The following DGKB variants were observed in gnomAD, a reference collection of about 807,000 sequenced individuals.
DGKB encodes the protein 90 kDa diacylglycerol kinase.
In DGKB, 67 loss-of-function variants were observed where a neutral mutation model predicts 114.3. That is an observed-to-expected ratio of 0.59 (90% CI 0.48 to 0.72). The LOEUF (loss-of-function observed/expected upper bound fraction) is 0.72, where lower values mean the gene tolerates loss of function less well. Ranked by LOEUF, DGKB falls within the 30% of genes least tolerant of loss-of-function variation. The probability of loss-of-function intolerance (pLI) is 0.00; values close to 1 mark genes in which losing one functional copy is unlikely to be tolerated. For synonymous variants in DGKB, 398 were observed against 323.1 expected (o/e 1.23, Z -2.49); for missense variants, 907 against 975.2 (o/e 0.93, Z 0.93).
chr7:14,654,550 G>C (rs1329702307), intron 13 of DGKB, among the ~76,000 whole-genome samples: 1 of 151,864 alleles, frequency 6.6e-6, no homozygotes, highest in Non-Finnish European at 1.5e-5. Context: ...CCTAAAATTT[G>C]TATTGAACCC....
Position 14,712,225 on chromosome 7 carries a change from A to G in DGKB, c.466+6317T>C, listed in dbSNP as rs141106748. Among the ~76,000 whole-genome samples the G allele has an allele frequency of 6.6e-5, 10 of 152,288 alleles. No homozygotes were observed. The East Asian group carries it at 9.6e-4, about 15-fold the overall frequency. ...CATAAGAAGAAAGAAAAGAAGATGGAAAATAGAAAAAGCAAGAAAAAATAG... is the reference window on the plus strand; with the variant it reads ...CATAAGAAGAAAGAAAAGAAGATGGGAAATAGAAAAAGCAAGAAAAAATAG... On this transcript the variant is annotated intron_variant, in intron 6 of 25. Transcript: ENST00000402815.
At chr7:14,577,610 C>A (rs902710641) in intron 19 of DGKB, among the ~76,000 whole-genome samples, 13 of 149,862 alleles carry the variant, frequency 8.7e-5, no homozygotes, top group Non-Finnish European at 1.8e-4. Flanking sequence ...GAGTGAGACT[C>A]CGTCTCAAAA....
intron 2 of DGKB, among the ~76,000 whole-genome samples, chr7:14,768,931 T>TA (rs1402414550): frequency 6.6e-6 from 1 of 151,924 alleles, no homozygotes; most frequent in Non-Finnish European, 1.5e-5. Context: ...GCTATCAAAT[T>TA]AAAAAATACC....
Position 14,570,164 on chromosome 7 carries a change from T to TG in DGKB, c.1770+4047dup, listed in dbSNP as rs1798159301. 5.9e-5 allele frequency among the ~76,000 whole-genome samples: 9 copies of TG among 151,772 alleles called. No homozygotes were observed. The South Asian group carries it at 1.9e-3, about 31-fold the overall frequency. Reference sequence around the variant, plus strand: ...AAATTTTTTGTTTTTCACCATATGTTGTTTACTTATAATTCTCTATAGAGT... The same window carrying TG: ...AAATTTTTTGTTTTTCACCATATGTTGGTTTACTTATAATTCTCTATAGAGT... On this transcript the variant is annotated intron_variant, in intron 20 of 25. Transcript: ENST00000402815.
chr7:14,710,275 G>A (rs999693418), intron 6 of DGKB, among the ~76,000 whole-genome samples: 1 of 151,954 alleles, frequency 6.6e-6, no homozygotes. Context: ...ATTTTGATTT[G>A]ATAAATGGTA....
At chr7:14,743,274 T>C (rs1832817760) in intron 4 of DGKB, among the ~76,000 whole-genome samples, 1 of 152,160 alleles carries the variant, frequency 6.6e-6, no homozygotes, top group Non-Finnish European at 1.5e-5. Context: ...ATGAAAGATT[T>C]TCATGTGCCT....
intron 23 of DGKB, among the ~76,000 whole-genome samples, chr7:14,235,664 C>A (rs1200396837): frequency 6.6e-6 from 1 of 152,004 alleles, no homozygotes; most frequent in Non-Finnish European, 1.5e-5. Flanking sequence ...AAGTAAAGCA[C>A]CACTAAACAG....
chr7:14,542,436 T>C (rs1218755985), intron 20 of DGKB, among the ~76,000 whole-genome samples: 1 of 152,170 alleles, frequency 6.6e-6, no homozygotes, highest in African/African-American at 2.4e-5. Context: ...ACTTTAAAGC[T>C]TTACTCACAA....
chr7:14,651,075 G>T (rs1242220032), intron 13 of DGKB, among the ~76,000 whole-genome samples: 3 of 152,148 alleles, frequency 2.0e-5, no homozygotes, highest in African/African-American at 7.2e-5. Flanking sequence ...GGTACAAGGA[G>T]GAGCTGGTAC....
chr7:14,872,883 A>T (rs943454962), intron 1 of DGKB, among the ~76,000 whole-genome samples: 2 of 151,364 alleles, frequency 1.3e-5, no homozygotes, highest in Non-Finnish European at 2.9e-5. Context: ...AGATTTTCCA[A>T]TTTAAAAATC....
chr7:14,906,520 C>T (rs1284015268), upstream of DGKB, among the ~76,000 whole-genome samples: 1 of 132,562 alleles, frequency 7.5e-6, no homozygotes, highest in African/African-American at 2.7e-5. Context: ...ATGATGTGAT[C>T]TCGGCTCACT....
chr7:14,156,512 T>C (rs1783050290), intron 25 of DGKB, among the ~76,000 whole-genome samples: 2 of 152,292 alleles, frequency 1.3e-5, no homozygotes, highest in South Asian at 4.1e-4. Flanking sequence ...GTAATTTTAA[T>C]TCCATATAAT....
intron 12 of DGKB, among the ~76,000 whole-genome samples, chr7:14,681,865 T>C (rs891089973): frequency 6.6e-6 from 1 of 152,056 alleles, no homozygotes; most frequent in Non-Finnish European, 1.5e-5. Flanking sequence ...TCTTACTTAA[T>C]TGTGAACACC....
chr7:14,162,863 C>G (rs1162134121), intron 25 of DGKB, among the ~76,000 whole-genome samples: 1 of 152,142 alleles, frequency 6.6e-6, no homozygotes, highest in Non-Finnish European at 1.5e-5. Flanking sequence ...TAATTAAGCT[C>G]TAATAATGTA....
chr7:14,892,864 A>ATGAG (rs1554334467), intron 1 of DGKB, among the ~76,000 whole-genome samples: 5 of 147,046 alleles, frequency 3.4e-5, no homozygotes, highest in Admixed American at 6.8e-5. Context: ...ATATATATAT[A>ATGAG]TGTGTGTGTG....
At position 14,698,167 on chromosome 7, in the gene DGKB, C is replaced by A; in HGVS notation, c.519G>T (p.Glu173Asp). ...TCATCTGACTGATGATATTTTCTAG[C>A]TCCTGGAAGAGAAAGAGAGATAAAA... ...TDGNGFLDSS[E>D]LENIISQMMH... is the part of the protein sequence containing the mutation. The change falls in exon 8 of 26, where the codon GAG becomes GAT. Residue 173 changes from glutamate to aspartate, a missense_variant and splice_region_variant. Glu to Asp is a conservative substitution (Grantham distance 45, BLOSUM62 2). Transcript: ENST00000402815. 1.3e-6 allele frequency: 2 copies of A among 1,519,322 alleles called. No individual in the cohort carries two copies. Among genetic ancestry groups the A allele is most frequent in the Non-Finnish European group, 8.8e-7 (1 of 1,133,806 alleles). The allele number at this position is 1,519,322 out of a possible 1,614,324, so 94.1% of individuals were successfully genotyped here. A position where few individuals can be genotyped will look rare whatever the true frequency, so the allele number is the denominator to read the frequency against.
At chr7:14,173,060 C>T (rs1781240734) in intron 25 of DGKB, among the ~76,000 whole-genome samples, 1 of 152,112 alleles carries the variant, frequency 6.6e-6, no homozygotes, top group South Asian at 2.1e-4. Flanking sequence ...GTTTGATATG[C>T]TTATTATCAC....
intron 16 of DGKB, 44 bp downstream of exon 16, chr7:14,613,296 T>G: frequency 8.6e-7 from 1 of 1,159,528 alleles, no homozygotes; most frequent in Non-Finnish European, 1.2e-6. Flanking sequence ...TCTATTTTTT[T>G]ACATATACAT....
At chr7:14,379,837 C>T (rs554284333) in intron 21 of DGKB, among the ~76,000 whole-genome samples, 19 of 150,402 alleles carry the variant, frequency 1.3e-4, no homozygotes, top group African/African-American at 4.2e-4. Flanking sequence ...GGATTACAGG[C>T]GTGAGCGAGC....
Sources: allele counts gnomAD v4.1 joint callset (sites outside exome capture counted in the v4.1 genomes callset), GRCh38; gene constraint gnomAD v4.1.1; transcripts MANE v1.5; gene names NCBI Gene and HGNC (gene_info 2026-07-23, HGNC 2026-07-21).